Variants in FTCDNL1 observed in about 807,000 individuals in gnomAD.
FTCDNL1 encodes formiminotransferase N-terminal subdomain-containing protein.
FTCDNL1 carries 11 observed loss-of-function variants against 5.9 expected under a neutral mutation model. The observed-to-expected ratio is 1.87, with a 90% CI of 1.18 to 3.10. The LOEUF is 3.10. Among genes scored for constraint, FTCDNL1 ranks in the 30% most tolerant of loss-of-function variants. FTCDNL1 has a pLI of 0.00. For missense variants in FTCDNL1, 115 were observed against 65.5 expected, an observed-to-expected ratio of 1.76 and a Z score of -2.61; for synonymous variants, 58 against 24.8, an observed-to-expected ratio of 2.34 and a Z score of -3.99.
At chr2:199,680,285 G>A in the FTCDNL1 span, among the ~76,000 whole-genome samples, 1 of 152,144 alleles carries the variant, frequency 6.6e-6, no homozygotes, top group Admixed American at 6.6e-5. Flanking sequence ...ATGCAAATAC[G>A]GTGGTCATGT....
intron 3 of FTCDNL1, among the ~76,000 whole-genome samples, chr2:199,792,527 C>T (rs1009001830): frequency 6.6e-6 from 1 of 152,112 alleles, no homozygotes; most frequent in Non-Finnish European, 1.5e-5. Context: ...CAGGGCAAAA[C>T]CAAATTTCTG....
intron 3 of FTCDNL1, among the ~76,000 whole-genome samples, chr2:199,831,778 A>C (rs1702387866): frequency 6.6e-6 from 1 of 152,202 alleles, no homozygotes; most frequent in East Asian, 1.9e-4. Context: ...TTTGAAACAG[A>C]GAATTAATTA....
chr2:199,708,837 A>G, the FTCDNL1 span, among the ~76,000 whole-genome samples: 1 of 152,286 alleles, frequency 6.6e-6, no homozygotes, highest in South Asian at 2.1e-4. Flanking sequence ...GTATTTAGTA[A>G]AAACTCAATG....
At chr2:199,670,826 G>A in the FTCDNL1 span, among the ~76,000 whole-genome samples, 2 of 152,146 alleles carry the variant, frequency 1.3e-5, no homozygotes, top group African/African-American at 4.8e-5. Context: ...TTCCTACTAA[G>A]AGGTTGGTTA....
chr2:199,708,114 AT>A, the FTCDNL1 span, among the ~76,000 whole-genome samples: 109,036 of 151,458 alleles, frequency 0.72, 40,284 homozygotes, highest in South Asian at 0.9. Context: ...TTTTTTCTGA[AT>A]TTTTTTTTAA....
chr2:199,677,754 G>C, the FTCDNL1 span, among the ~76,000 whole-genome samples: 1 of 152,180 alleles, frequency 6.6e-6, no homozygotes, highest in East Asian at 1.9e-4. Context: ...TGTCAGAATC[G>C]TTAATGTGCT....
chr2:199,824,042 T>C (rs1315431913), intron 3 of FTCDNL1, among the ~76,000 whole-genome samples: 1 of 152,210 alleles, frequency 6.6e-6, no homozygotes, highest in African/African-American at 2.4e-5. Flanking sequence ...CTCAAACTCC[T>C]GGGCTCAAGC....
the FTCDNL1 span, among the ~76,000 whole-genome samples, chr2:199,750,562 C>T: frequency 1.3e-5 from 2 of 152,088 alleles, no homozygotes; most frequent in Non-Finnish European, 2.9e-5. Flanking sequence ...TAATCATTGC[C>T]TGAAGAGAAA....
At chr2:199,825,477 C>T (rs963117441) in intron 3 of FTCDNL1, among the ~76,000 whole-genome samples, 1 of 152,176 alleles carries the variant, frequency 6.6e-6, no homozygotes, top group African/African-American at 2.4e-5. Flanking sequence ...CTCCGAATCT[C>T]ATGTTGAAAT....
rs902710013 is a variant in FTCDNL1, at chr2:199,799,049, C to T, written c.212-38214G>A. Among the ~76,000 whole-genome samples, 16 of 152,266 alleles carry T rather than the reference C, an allele frequency of 1.1e-4. No individual in the cohort carries two copies. In the East Asian group the frequency reaches 2.9e-3, roughly 28 times the overall value. Reference sequence around the variant, plus strand: ...TGAAAGGAAATCCTGACACACCAGCCTCCAAAATCACTAGGCCGCCTTTCA... The same window carrying T: ...TGAAAGGAAATCCTGACACACCAGCTTCCAAAATCACTAGGCCGCCTTTCA... On this transcript the variant is annotated intron_variant, in intron 3 of 3. Coordinates refer to the FTCDNL1 transcript ENST00000416668.
chr2:199,671,440 G>A, the FTCDNL1 span, among the ~76,000 whole-genome samples: 1 of 151,464 alleles, frequency 6.6e-6, no homozygotes, highest in Non-Finnish European at 1.5e-5. Context: ...GTAGGCAAGA[G>A]CCCTAATTAC....
At chr2:199,670,806 T>C in the FTCDNL1 span, among the ~76,000 whole-genome samples, 2 of 152,152 alleles carry the variant, frequency 1.3e-5, no homozygotes, top group Non-Finnish European at 2.9e-5. Flanking sequence ...AGTAGACTCA[T>C]AGCTCCCCTT....
At chr2:199,703,040 G>GT in the FTCDNL1 span, among the ~76,000 whole-genome samples, 5 of 148,614 alleles carry the variant, frequency 3.4e-5, no homozygotes, top group Non-Finnish European at 6.0e-5. Context: ...TTGTTTGTTT[G>GT]TTTTTAATTT....
intron 3 of FTCDNL1, among the ~76,000 whole-genome samples, chr2:199,802,245 A>G (rs1251440873): frequency 1.3e-5 from 2 of 152,216 alleles, no homozygotes; most frequent in Non-Finnish European, 2.9e-5. Context: ...CTAGGTCTCC[A>G]TACAAGTGAG....
chr2:199,846,030 AC>A, intron 3 of FTCDNL1, 44 bp downstream of exon 3: 1 of 661,488 alleles, frequency 1.5e-6, no homozygotes, highest in South Asian at 1.7e-5. Context: ...GTCTACCTGA[AC>A]CAAAAAAAAG....
chr2:199,795,719 C>T (rs1030498426), intron 3 of FTCDNL1, among the ~76,000 whole-genome samples: 5 of 152,214 alleles, frequency 3.3e-5, no homozygotes, highest in African/African-American at 9.7e-5. Flanking sequence ...TCTTCCAAAA[C>T]TCCTAATGGA....
chr2:199,699,693 A>G, the FTCDNL1 span, among the ~76,000 whole-genome samples: 47 of 152,304 alleles, frequency 3.1e-4, no homozygotes, highest in East Asian at 8.1e-3. Flanking sequence ...CCAAAAAGCT[A>G]GTCCACCATG....
the FTCDNL1 span, among the ~76,000 whole-genome samples, chr2:199,735,082 CT>C: frequency 4.4e-5 from 6 of 137,172 alleles, no homozygotes; most frequent in Admixed American, 3.8e-4. Flanking sequence ...CTTAAACCCC[CT>C]GATAGTCAAA....
chr2:199,672,853 G>A, the FTCDNL1 span, among the ~76,000 whole-genome samples: 2 of 152,042 alleles, frequency 1.3e-5, no homozygotes, highest in African/African-American at 4.8e-5. Flanking sequence ...CCTCAGAACT[G>A]TTAGGAGGTT....
Sources: allele counts gnomAD v4.1 joint callset (sites outside exome capture counted in the v4.1 genomes callset), GRCh38; gene constraint gnomAD v4.1.1; transcripts MANE v1.5; gene names NCBI Gene and HGNC (gene_info 2026-07-23, HGNC 2026-07-21).